FAM107B: variants seen among roughly 807,000 people sequenced by gnomAD.
FAM107B encodes family with sequence similarity 107 member B.
In FAM107B, 21 loss-of-function variants were observed where a neutral mutation model predicts 31.5. The observed-to-expected ratio is 0.67, with a 90% CI of 0.47 to 0.96. FAM107B has a LOEUF of 0.96. Ranked by LOEUF, FAM107B falls within the 40% of genes least tolerant of loss-of-function variation. FAM107B has a pLI of 0.00. For missense variants in FAM107B, 452 were observed against 377.1 expected (o/e 1.20, Z -1.64); for synonymous variants, 157 against 141.5 (o/e 1.11, Z -0.78).
intron 2 of FAM107B, among the ~76,000 whole-genome samples, chr10:14,533,960 T>C (rs1002853836): frequency 6.6e-6 from 1 of 152,176 alleles, no homozygotes; most frequent in African/African-American, 2.4e-5. Flanking sequence ...TTTCAGACAC[T>C]TGTGGCTGCA....
At chr10:14,639,378 A>G (rs913437756) in intron 2 of FAM107B, among the ~76,000 whole-genome samples, 6 of 152,188 alleles carry the variant, frequency 3.9e-5, no homozygotes, top group African/African-American at 1.2e-4. Context: ...TTCTGGGTAC[A>G]GTCCTTTCTG....
chr10:14,593,889 G>A (rs1224565926), intron 2 of FAM107B, among the ~76,000 whole-genome samples: 4 of 152,164 alleles, frequency 2.6e-5, no homozygotes, highest in Non-Finnish European at 2.9e-5. Flanking sequence ...AAAAAATACC[G>A]TTTAGATATA....
intron 2 of FAM107B, among the ~76,000 whole-genome samples, chr10:14,638,283 G>A (rs1853551095): frequency 6.8e-6 from 1 of 146,194 alleles, no homozygotes; most frequent in Non-Finnish European, 1.5e-5. Context: ...GCCTGCTAAG[G>A]TTTTTTTTTT....
intron 1 of FAM107B, among the ~76,000 whole-genome samples, chr10:14,750,816 T>C (rs1832812643): frequency 6.6e-6 from 1 of 152,084 alleles, no homozygotes; most frequent in Non-Finnish European, 1.5e-5. Flanking sequence ...GGGTGGTGCA[T>C]GCTTCTAGAC....
At chr10:14,693,073 C>CA (rs1269518772) in intron 1 of FAM107B, among the ~76,000 whole-genome samples, 4 of 152,196 alleles carry the variant, frequency 2.6e-5, no homozygotes, top group African/African-American at 9.7e-5. Flanking sequence ...TAAATGACAT[C>CA]GCAGAGAGCT....
chr10:14,576,791 G>A (rs1187847518), intron 2 of FAM107B, among the ~76,000 whole-genome samples: 4 of 152,024 alleles, frequency 2.6e-5, no homozygotes, highest in Admixed American at 6.6e-5. Context: ...CCCAAAAACC[G>A]TTTTATTAGA....
intron 1 of FAM107B, among the ~76,000 whole-genome samples, chr10:14,762,521 G>A (rs544554728): frequency 8.5e-4 from 129 of 152,218 alleles, no homozygotes; most frequent in African/African-American, 2.9e-3. Context: ...ATAAGAGGCC[G>A]AGGCAGGCAG....
chr10:14,736,377 C>T (rs1856299677), intron 1 of FAM107B, among the ~76,000 whole-genome samples: 1 of 152,222 alleles, frequency 6.6e-6, no homozygotes, highest in Admixed American at 6.5e-5. Context: ...ATCAACTTGT[C>T]AGCCTATTTA....
At chr10:14,672,970 AC>A (rs2131482323) in intron 1 of FAM107B, among the ~76,000 whole-genome samples, 1 of 152,298 alleles carries the variant, frequency 6.6e-6, no homozygotes, top group African/African-American at 2.4e-5. Flanking sequence ...AGAATTCCTG[AC>A]CAATAATTAA....
intron 2 of FAM107B, among the ~76,000 whole-genome samples, chr10:14,663,046 C>G (rs1475232391): frequency 2.6e-5 from 4 of 152,212 alleles, no homozygotes; most frequent in Admixed American, 6.5e-5. Context: ...TTCCCCCATG[C>G]TGGATGCTTC....
intron 3 of FAM107B, among the ~76,000 whole-genome samples, chr10:14,523,867 C>CT (rs1169705257): frequency 0.012 from 1,703 of 138,596 alleles, 25 homozygotes; most frequent in African/African-American, 0.038. Flanking sequence ...TATATTCCAT[C>CT]TTTTTTTTTT....
At chr10:14,584,651 G>C (rs1588634269) in intron 2 of FAM107B, among the ~76,000 whole-genome samples, 1 of 152,186 alleles carries the variant, frequency 6.6e-6, no homozygotes, top group Non-Finnish European at 1.5e-5. Flanking sequence ...CGGACCCTGT[G>C]AGGCAGGAGA....
chr10:14,549,301 C>T (rs1384612921), intron 2 of FAM107B, among the ~76,000 whole-genome samples: 3 of 152,234 alleles, frequency 2.0e-5, no homozygotes, highest in African/African-American at 7.2e-5. Flanking sequence ...CCTCAGTTAA[C>T]TACTCTGGAT....
Position 14,767,095 on chromosome 10 carries a change from G to C in FAM107B, c.411+7158C>G, listed in dbSNP as rs188296852. 9.0e-3 allele frequency among the ~76,000 whole-genome samples: 1,025 copies of C among 113,508 alleles called. 97 individuals are homozygous for C. The East Asian group carries it at 0.17, about 19-fold the overall frequency. 74.5% of individuals were successfully genotyped at this position (113,508 alleles called of 152,430 possible). A position where few individuals can be genotyped will look rare whatever the true frequency, so the allele number is the denominator to read the frequency against. On this transcript the variant is annotated intron_variant, in intron 1 of 4. Transcript: ENST00000181796. ...AGAGAGAGAGAGAGAGAGAGAGAGA[G>C]AGAGACAGAGAGAGAGAGAGAGAGA... is the stretch of plus-strand genomic sequence containing the variant.
intron 2 of FAM107B, among the ~76,000 whole-genome samples, chr10:14,599,853 C>CAA (rs35147350): frequency 6.3e-5 from 8 of 126,026 alleles, no homozygotes; most frequent in Admixed American, 1.6e-4. Flanking sequence ...CCTTGATCTA[C>CAA]AAAAAAAAAA....
chr10:14,559,112 A>AAAC (rs1554832888), intron 2 of FAM107B, among the ~76,000 whole-genome samples: 3 of 68,918 alleles, frequency 4.4e-5, no homozygotes, highest in African/African-American at 1.3e-4. Context: ...AAAAAAAAAA[A>AAAC]AAAAACAAAA....
At chr10:14,620,817 A>G (rs1259186164) in intron 2 of FAM107B, among the ~76,000 whole-genome samples, 2 of 152,206 alleles carry the variant, frequency 1.3e-5, no homozygotes, top group African/African-American at 2.4e-5. Flanking sequence ...CTTCTGACAC[A>G]TGAACATAGT....
intron 1 of FAM107B, among the ~76,000 whole-genome samples, chr10:14,718,231 G>A (rs1855825064): frequency 6.6e-6 from 1 of 152,132 alleles, no homozygotes; most frequent in Non-Finnish European, 1.5e-5. Flanking sequence ...GGAGGCTGAG[G>A]CAGCAGAATA....
chr10:14,763,154 C>T (rs529387132), intron 1 of FAM107B, among the ~76,000 whole-genome samples: 6 of 151,126 alleles, frequency 4.0e-5, no homozygotes, highest in East Asian at 4.0e-4. Flanking sequence ...CCCAGCTACT[C>T]GGGAGGCTGA....
Sources: gnomAD v4.1 joint callset for allele counts (sites outside exome capture counted in the v4.1 genomes callset) on GRCh38, gnomAD v4.1.1 for gene constraint, MANE v1.5 for transcripts, NCBI Gene and HGNC (gene_info 2026-07-23, HGNC 2026-07-21) for gene names.